The following ASAP1 variants were observed in gnomAD, a reference collection of about 807,000 sequenced individuals.
The protein encoded by ASAP1 is ArfGAP with SH3 domain, ankyrin repeat and PH domain 1, also known as arf-GAP with SH3 domain, ANK repeat and PH domain-containing protein 1.
In ASAP1, 43 loss-of-function variants were observed where a neutral mutation model predicts 145.2. The ratio of observed to expected loss-of-function variants is 0.30; its 90% CI spans 0.23 to 0.38. The LOEUF (loss-of-function observed/expected upper bound fraction) is 0.38. ASAP1 is among the 10% of genes least tolerant of loss of function. The pLI, the probability that ASAP1 is intolerant of heterozygous loss-of-function variation, is 1.00. For synonymous variants in ASAP1, 546 were observed against 515.5 expected (o/e 1.06, Z -0.80); for missense variants, 1,018 against 1,355.3 (o/e 0.75, Z 3.91).
intron 26 of ASAP1, 94 bp from the exon 27 acceptor site, chr8:130,076,500 T>C: frequency 1.1e-6 from 1 of 946,282 alleles, no homozygotes. Context: ...GGTATTTACA[T>C]AATCATCTAA....
At chr8:130,247,109 G>T (rs143516443) in intron 3 of ASAP1, 1 of 152,116 alleles carries the variant, frequency 6.6e-6, no homozygotes. Flanking sequence ...TGTGACCCTG[G>T]TCAAGTTAGT....
At chr8:130,151,530 T>TA (rs1268152113) in intron 13 of ASAP1, among the ~76,000 whole-genome samples, 1 of 151,956 alleles carries the variant, frequency 6.6e-6, no homozygotes, top group Non-Finnish European at 1.5e-5. Flanking sequence ...GCATGACAGC[T>TA]AAAAATCTCA....
At chr8:130,386,056 G>A (rs1414849878) in intron 2 of ASAP1, among the ~76,000 whole-genome samples, 2 of 152,196 alleles carry the variant, frequency 1.3e-5, no homozygotes, top group East Asian at 3.9e-4. Context: ...CAGAGATTTT[G>A]CAAAATCTTC....
chr8:130,073,624 A>G (rs1464185562), intron 27 of ASAP1, among the ~76,000 whole-genome samples: 1 of 152,190 alleles, frequency 6.6e-6, no homozygotes, highest in Non-Finnish European at 1.5e-5. Flanking sequence ...ACAAGTACAT[A>G]GCGTTCCAGG....
chr8:130,121,335 C>T (rs2097565468), intron 18 of ASAP1, among the ~76,000 whole-genome samples: 1 of 152,198 alleles, frequency 6.6e-6, no homozygotes, highest in Admixed American at 6.5e-5. Flanking sequence ...ATTCTTTTCT[C>T]TTGACAGCTG....
intron 2 of ASAP1, among the ~76,000 whole-genome samples, 162 bp downstream of exon 2, chr8:130,401,723 A>C (rs1828804557): frequency 6.6e-6 from 1 of 152,238 alleles, no homozygotes; most frequent in Non-Finnish European, 1.5e-5. Flanking sequence ...CTACACCTGT[A>C]CAAATGCTAG....
At chr8:130,268,931 C>A (rs1371737044) in intron 3 of ASAP1, among the ~76,000 whole-genome samples, 1 of 152,068 alleles carries the variant, frequency 6.6e-6, no homozygotes, top group African/African-American at 2.4e-5. Flanking sequence ...AGTTACTTAA[C>A]ATGATTAGTG....
At chr8:130,241,799 T>C (rs985796866) in intron 3 of ASAP1, among the ~76,000 whole-genome samples, 14 of 152,144 alleles carry the variant, frequency 9.2e-5, no homozygotes, top group Non-Finnish European at 2.9e-5. Flanking sequence ...TATTGAAATA[T>C]ATTTATGCTA....
At chr8:130,348,667 A>G (rs983964798) in intron 3 of ASAP1, among the ~76,000 whole-genome samples, 2 of 152,226 alleles carry the variant, frequency 1.3e-5, no homozygotes, top group African/African-American at 2.4e-5. Flanking sequence ...CAAGCTATGA[A>G]GCACACAGAA....
chr8:130,193,654 T>A (rs1414301577), intron 5 of ASAP1, among the ~76,000 whole-genome samples: 1 of 152,204 alleles, frequency 6.6e-6, no homozygotes, highest in African/African-American at 2.4e-5. Context: ...TTTGCATCAA[T>A]GCCTCAAATC....
At chr8:130,274,142 C>T (rs1399968105) in intron 3 of ASAP1, among the ~76,000 whole-genome samples, 6 of 152,190 alleles carry the variant, frequency 3.9e-5, no homozygotes, top group Non-Finnish European at 7.3e-5. Context: ...TCATTCTTCT[C>T]ATACTAATGT....
At chr8:130,381,488 T>C (rs183665180) in intron 2 of ASAP1, among the ~76,000 whole-genome samples, 44 of 152,318 alleles carry the variant, frequency 2.9e-4, no homozygotes, top group Non-Finnish European at 2.9e-5. Context: ...ACTAGCCATA[T>C]TTTAAGTTCT....
At chr8:130,137,678 A>T (rs1201851828) in intron 13 of ASAP1, among the ~76,000 whole-genome samples, 3 of 152,210 alleles carry the variant, frequency 2.0e-5, no homozygotes, top group Non-Finnish European at 4.4e-5. Context: ...GCAATGCTTA[A>T]TGAACCCCAA....
chr8:130,129,284 T>C (rs988809687), intron 15 of ASAP1, among the ~76,000 whole-genome samples: 3 of 152,186 alleles, frequency 2.0e-5, no homozygotes, highest in African/African-American at 7.2e-5. Context: ...AACGGGCTAA[T>C]AGAATGATAT....
At chr8:130,058,279 C>G (rs1394468256) in intron 28 of ASAP1, among the ~76,000 whole-genome samples, 2 of 152,202 alleles carry the variant, frequency 1.3e-5, no homozygotes, top group African/African-American at 2.4e-5. Context: ...TTCCTCTCCC[C>G]CCATCATCAG....
intron 1 of ASAP1, among the ~76,000 whole-genome samples, chr8:130,432,971 C>T (rs1185648950): frequency 1.3e-5 from 2 of 152,218 alleles, no homozygotes; most frequent in Non-Finnish European, 2.9e-5. Flanking sequence ...CTGTCTGCTA[C>T]ACCTGGTCGC....
chr8:130,303,931 C>T (rs1822830334), intron 3 of ASAP1, among the ~76,000 whole-genome samples: 1 of 152,028 alleles, frequency 6.6e-6, no homozygotes, highest in African/African-American at 2.4e-5. Context: ...GTGTGGCACC[C>T]TTGTCATGGT....
At chr8:130,086,755 G>T (rs1401902156) in intron 25 of ASAP1, among the ~76,000 whole-genome samples, 1 of 152,188 alleles carries the variant, frequency 6.6e-6, no homozygotes, top group Non-Finnish European at 1.5e-5. Context: ...AGTGAGCTAT[G>T]ATCACGCCAC....
intron 3 of ASAP1, among the ~76,000 whole-genome samples, chr8:130,285,496 T>C (rs1028618843): frequency 6.6e-6 from 1 of 152,198 alleles, no homozygotes; most frequent in Admixed American, 6.5e-5. Flanking sequence ...TATGATCATA[T>C]TTATCTATTC....
Sources: allele counts gnomAD v4.1 joint callset (sites outside exome capture counted in the v4.1 genomes callset), GRCh38; gene constraint gnomAD v4.1.1; transcripts MANE v1.5; gene names NCBI Gene and HGNC (gene_info 2026-07-23, HGNC 2026-07-21).